HROB: variants seen among roughly 807,000 people sequenced by gnomAD.
HROB encodes the protein homologous recombination factor with OB-fold.
A neutral mutation model predicts 61.0 loss-of-function variants in HROB; 44 were observed. The ratio of observed to expected loss-of-function variants is 0.72; its 90% CI spans 0.57 to 0.93. The LOEUF is 0.93. Ranked by LOEUF, HROB falls within the 40% of genes least tolerant of loss-of-function variation. The pLI, the probability that HROB is intolerant of heterozygous loss-of-function variation, is 0.00. For missense variants in HROB, 716 were observed against 796.2 expected, an observed-to-expected ratio of 0.90 and a Z score of 1.21; for synonymous variants, 301 against 310.4, an observed-to-expected ratio of 0.97 and a Z score of 0.32.
chr17:44,155,488 C>CA, intron 8 of HROB, 77 bp downstream of exon 8: 1 of 1,576,808 alleles, frequency 6.3e-7, no homozygotes, highest in Non-Finnish European at 8.6e-7. Flanking sequence ...TCCTCTCTTC[C>CA]ACCCTGGGGA....
chr17:44,151,226 C>A (rs925042237), intron 4 of HROB, among the ~76,000 whole-genome samples, 182 bp downstream of exon 4: 1 of 152,194 alleles, frequency 6.6e-6, no homozygotes, highest in Non-Finnish European at 1.5e-5. Flanking sequence ...TAAGTGAGGC[C>A]TGTCCTGGTG....
At chr17:44,159,345 C>A (rs906637619) in intron 9 of HROB, among the ~76,000 whole-genome samples, 4 of 152,178 alleles carry the variant, frequency 2.6e-5, no homozygotes, top group East Asian at 3.9e-4. Flanking sequence ...GAGAAAAAAA[C>A]CAGCCAATAT....
intron 8 of HROB, among the ~76,000 whole-genome samples, chr17:44,156,218 A>G (rs1378383771): frequency 6.8e-6 from 1 of 147,612 alleles, no homozygotes; most frequent in East Asian, 2.0e-4. Flanking sequence ...CCACTTCTAA[A>G]CCCTTTCTTT....
Position 44,162,447 on chromosome 17 carries a change from C to G in HROB, c.*515C>G, listed in dbSNP as rs1372087442. 1 of 152,782 alleles carries G rather than the reference C, an allele frequency of 6.5e-6. No homozygotes were observed. Among genetic ancestry groups the G allele is most frequent in the African/African-American group, 2.4e-5 (1 of 41,468 alleles). The allele number at this position is 152,782 out of a possible 1,614,324, so 9.5% of individuals were successfully genotyped here. A position where few individuals can be genotyped will look rare whatever the true frequency, so the allele number is the denominator to read the frequency against. ...CAGGACAGAGGTGTGGCCTATTGTA[C>G]CTTGTTCTGAAATAAAGCATCTCCT... On this transcript the variant is annotated 3_prime_UTR_variant, in exon 10 of 10. Transcript: ENST00000585683.
rs570611662 is a variant in HROB, at chr17:44,146,956, T to C, written c.55-902T>C. ...ACTTTATTTAGCTTGCCTGAAAAGCTATATTTAACTTCTGCCTTTTTTGCT... is the reference window on the plus strand; with the variant it reads ...ACTTTATTTAGCTTGCCTGAAAAGCCATATTTAACTTCTGCCTTTTTTGCT... On this transcript the variant is annotated intron_variant, in intron 2 of 9. Coordinates refer to ENST00000585683, the MANE Select transcript of HROB (RefSeq NM_001171251.3). Among the ~76,000 whole-genome samples the C allele has an allele frequency of 1.3e-4, 20 of 152,276 alleles. No homozygotes were observed. The South Asian group carries it at 4.1e-3, about 32-fold the overall frequency.
intron 2 of HROB, among the ~76,000 whole-genome samples, 156 bp downstream of exon 2, chr17:44,145,409 C>T (rs115298176): frequency 0.011 from 1,700 of 152,286 alleles, 27 homozygotes; most frequent in African/African-American, 0.039. Context: ...GAAGTGTAAA[C>T]AACCTACTTA....
chr17:44,153,511 C>G (rs1407840738), intron 5 of HROB, among the ~76,000 whole-genome samples: 3 of 152,026 alleles, frequency 2.0e-5, no homozygotes, highest in African/African-American at 7.3e-5. Flanking sequence ...CTTGAGAGGT[C>G]AAGGCGGGCG....
At chr17:44,161,657 C>T (rs1365915416) in intron 9 of HROB, among the ~76,000 whole-genome samples, 3 of 152,164 alleles carry the variant, frequency 2.0e-5, no homozygotes, top group Non-Finnish European at 2.9e-5. Context: ...ATTACGCCCC[C>T]GCCTTTTGTC....
intron 9 of HROB, among the ~76,000 whole-genome samples, chr17:44,160,036 A>G (rs1157923613): frequency 6.6e-6 from 1 of 152,184 alleles, no homozygotes; most frequent in Non-Finnish European, 1.5e-5. Context: ...CTTCCCAGGC[A>G]CTGGCGCTAC....
At chr17:44,150,342 A>G (rs1437371441) in intron 3 of HROB, among the ~76,000 whole-genome samples, 2 of 151,736 alleles carry the variant, frequency 1.3e-5, no homozygotes, top group African/African-American at 4.8e-5. Flanking sequence ...GACTTGGGGA[A>G]AGCTGCCCCT....
At chr17:44,160,303 C>T (rs1335840613) in intron 9 of HROB, among the ~76,000 whole-genome samples, 2 of 152,204 alleles carry the variant, frequency 1.3e-5, no homozygotes, top group Non-Finnish European at 2.9e-5. Flanking sequence ...CACGGTGGCT[C>T]ACTCCTGTAA....
At chr17:44,150,565 T>C (rs972099446) in intron 3 of HROB, among the ~76,000 whole-genome samples, 1 of 152,038 alleles carries the variant, frequency 6.6e-6, no homozygotes, top group East Asian at 1.9e-4. Context: ...AATTTTTGTA[T>C]TTTTGGTAGA....
chr17:44,151,232 T>C (rs1268500611), intron 4 of HROB, among the ~76,000 whole-genome samples, 188 bp downstream of exon 4: 1 of 152,206 alleles, frequency 6.6e-6, no homozygotes, highest in Non-Finnish European at 1.5e-5. Context: ...AGGCCTGTCC[T>C]GGTGCCAGGT....
intron 1 of HROB, 30 bp downstream of exon 1, chr17:44,142,175 G>A: frequency 4.7e-6 from 7 of 1,503,434 alleles, no homozygotes; most frequent in Non-Finnish European, 6.2e-6. Context: ...GGGGGCTGGC[G>A]GGCCGCAGGG....
rs536166217 is a variant in HROB at position 44,162,131 on chromosome 17, C to T, written c.*199C>T. ...GCCCTCACTTTGGGCCTTCCTTTGC[C>T]GTTGGCACCAGAATCCGGCCGGAGA... On this transcript the variant is annotated 3_prime_UTR_variant, in exon 10 of 10. Transcript: ENST00000585683. The T allele has an allele frequency of 5.3e-5, 29 of 542,538 alleles. No individual in the cohort carries two copies. The highest frequency in any genetic ancestry group is 4.9e-4 in the Middle Eastern group (1 of 2,056). The allele number at this position is 542,538 out of a possible 1,614,324, so 33.6% of individuals were successfully genotyped here.
rs772461036 is a variant in HROB, at chr17:44,162,314, A to G, written c.*382A>G. The stretch of plus-strand genomic sequence containing the variant: ...AGATGAAAGGAGCCACACCACAACA[A>G]TGGCGGCCTGCCCCTCCACACAGGG... On this transcript the variant is annotated 3_prime_UTR_variant, in exon 10 of 10. Coordinates refer to ENST00000585683, the MANE Select transcript of HROB (RefSeq NM_001171251.3). The G allele has an allele frequency of 1.5e-4, 30 of 205,578 alleles. No homozygotes were observed. Among genetic ancestry groups the G allele is most frequent in the Non-Finnish European group, 2.4e-4 (24 of 100,970 alleles). 12.7% of individuals were successfully genotyped at this position (205,578 alleles called of 1,614,324 possible). A position where few individuals can be genotyped will look rare whatever the true frequency, so the allele number is the denominator to read the frequency against.
At position 44,152,427 on chromosome 17, in the gene HROB, GA is replaced by G. The variant is rs372164359; in HGVS notation, c.1309-198del. On this transcript the variant is annotated intron_variant, in intron 4 of 9. Coordinates refer to ENST00000585683, the MANE Select transcript of HROB (RefSeq NM_001171251.3). ...CGTGCTTCAAATGCCAAAGCAATCA[GA>G]AAAAAAAAAAAGAAAAAGAGAAAAA... Among the ~76,000 whole-genome samples the G allele has an allele frequency of 9.1e-4, 119 of 131,072 alleles. 1 individual carries two copies. Among genetic ancestry groups the G allele is most frequent in the Admixed American group, 4.7e-3 (60 of 12,834 alleles). 86.0% of individuals were successfully genotyped at this position (131,072 alleles called of 152,430 possible).
At position 44,148,031 on chromosome 17, in the gene HROB, C is replaced by T. The variant is rs779998519; in HGVS notation, c.228C>T (p.Asp76=). Residue 76 remains aspartate (D), a synonymous_variant, in exon 3 of 10, where the codon GAC becomes GAT. Coordinates refer to ENST00000585683, the MANE Select transcript of HROB (RefSeq NM_001171251.3). The part of the protein sequence containing the change: ...TAPSEALGLP[D]LDLCLPASST... ...CCTCAGAGGCTTTGGGCCTGCCAGA[C>T]TTGGACCTCTGCCTCCCTGCCTCCA... 1.4e-5 allele frequency: 22 copies of T among 1,613,964 alleles called. No homozygotes were observed. In the East Asian group the frequency reaches 4.9e-4, roughly 36 times the overall value.
chr17:44,161,317 A>T (rs2054133972), intron 9 of HROB, among the ~76,000 whole-genome samples: 1 of 152,172 alleles, frequency 6.6e-6, no homozygotes, highest in African/African-American at 2.4e-5. Flanking sequence ...AGTCAGTATT[A>T]GCTGCTGCTA....
Sources: allele counts gnomAD v4.1 joint callset (sites outside exome capture counted in the v4.1 genomes callset), GRCh38; gene constraint gnomAD v4.1.1; transcripts MANE v1.5; gene names NCBI Gene and HGNC (gene_info 2026-07-23, HGNC 2026-07-21).